NRG4: variants seen among roughly 807,000 people sequenced by gnomAD.
NRG4 encodes neuregulin 4, also known as pro-neuregulin-4, membrane-bound isoform.
Under a neutral mutation model 15.0 loss-of-function variants are expected in NRG4, and 10 were observed. That is an observed-to-expected ratio of 0.67 (90% CI 0.41 to 1.13). The LOEUF (loss-of-function observed/expected upper bound fraction) is 1.13. Among genes scored for constraint, NRG4 ranks in the 50% most tolerant of loss-of-function variants. The pLI, the probability that NRG4 is intolerant of heterozygous loss-of-function variation, is 0.00. For missense variants in NRG4, 139 were observed against 140.2 expected (o/e 0.99, Z 0.04); for synonymous variants, 41 against 50.1 (o/e 0.82, Z 0.77).
Position 75,977,425 on chromosome 15 carries a change from T to C in NRG4, c.105-15451A>G, listed in dbSNP as rs1283539975. Among the ~76,000 whole-genome samples the C allele has an allele frequency of 6.6e-6, 1 of 152,202 alleles. No individual in the cohort carries two copies. Among genetic ancestry groups the C allele is most frequent in the East Asian group, 1.9e-4 (1 of 5,192 alleles). ...CCAAAATAACCACCCAGTTTTGTGC[T>C]TGAAATCCAGGGCCCTGGTGGTGTA... On this transcript the variant is annotated intron_variant, in intron 3 of 5. Transcript: ENST00000394907. This position sits in a 1 kb window ranked among gnomAD's most constrained non-coding sequence, Gnocchi z 4.9.
At chr15:75,960,027 G>A (rs77177659) in intron 4 of NRG4, among the ~76,000 whole-genome samples, 2,466 of 152,280 alleles carry the variant, frequency 0.016, 64 homozygotes, top group African/African-American at 0.055. Flanking sequence ...CCTACAATAA[G>A]TGAGAAATAA....
In NRG4 at chr15:75,994,205, A is replaced by G. The variant is rs186681117; in HGVS notation, c.104+14995T>C. Among the ~76,000 whole-genome samples the G allele has an allele frequency of 1.2e-4, 18 of 152,322 alleles. No homozygotes were observed. The East Asian group carries it at 2.9e-3, about 24-fold the overall frequency. On this transcript the variant is annotated intron_variant, in intron 3 of 5. Coordinates refer to ENST00000394907, the MANE Select transcript of NRG4 (RefSeq NM_138573.4). ...CTCTATCTCTCCTACTGCTGCAACAAGTGAAATGTCTATTCACTTTTCTTA... is the reference window on the plus strand; with the variant it reads ...CTCTATCTCTCCTACTGCTGCAACAGGTGAAATGTCTATTCACTTTTCTTA...
chr15:75,984,829 G>C (rs1243400142), intron 3 of NRG4, among the ~76,000 whole-genome samples: 1 of 152,010 alleles, frequency 6.6e-6, no homozygotes, highest in Non-Finnish European at 1.5e-5. Context: ...TTTTTTTAAA[G>C]CAGTTTTTGT....
chr15:76,035,421 A>C (rs1363538895), intron 5 of NRG4, among the ~76,000 whole-genome samples: 1 of 152,214 alleles, frequency 6.6e-6, no homozygotes, highest in Non-Finnish European at 1.5e-5. Context: ...TTTTATTTCA[A>C]GCTGGGCACA....
At chr15:75,995,512 G>GC (rs1307467717) in intron 3 of NRG4, among the ~76,000 whole-genome samples, 1 of 151,648 alleles carries the variant, frequency 6.6e-6, no homozygotes, top group Non-Finnish European at 1.5e-5. Context: ...CTCCCACTAG[G>GC]CCCCCCCGCC....
At chr15:76,056,415 G>A (rs189489906) in intron 2 of NRG4, among the ~76,000 whole-genome samples, 13 of 152,066 alleles carry the variant, frequency 8.5e-5, no homozygotes, top group Admixed American at 5.2e-4. Context: ...CCGAGATTGC[G>A]CCATTGCACT....
At chr15:76,024,835 A>G (rs2035260940) in intron 5 of NRG4, among the ~76,000 whole-genome samples, 1 of 152,140 alleles carries the variant, frequency 6.6e-6, no homozygotes, top group African/African-American at 2.4e-5. Context: ...ACCCAAAACC[A>G]AGGCACCCCA....
At chr15:75,983,280 GAAAC>G (rs760884777) in intron 3 of NRG4, among the ~76,000 whole-genome samples, 36 of 152,040 alleles carry the variant, frequency 2.4e-4, no homozygotes, top group South Asian at 6.2e-4. Flanking sequence ...CAGAGATACA[GAAAC>G]AAACAAAGAC....
intron 3 of NRG4, among the ~76,000 whole-genome samples, chr15:76,000,713 T>G (rs1027208967): frequency 1.3e-5 from 2 of 152,186 alleles, no homozygotes; most frequent in African/African-American, 2.4e-5. Flanking sequence ...TGCAGATTTA[T>G]GTGCAAGGTA....
intron 5 of NRG4, among the ~76,000 whole-genome samples, chr15:76,024,362 C>A (rs71403586): frequency 2.0e-5 from 3 of 152,188 alleles, no homozygotes; most frequent in African/African-American, 4.8e-5. Context: ...CACCCACGTC[C>A]TAGGCCAGAG....
At chr15:76,009,831 T>C (rs1007891792) in intron 2 of NRG4, among the ~76,000 whole-genome samples, 3 of 152,190 alleles carry the variant, frequency 2.0e-5, no homozygotes, top group East Asian at 1.9e-4. Context: ...TATAAGGTGT[T>C]GATTTGCAAA....
At chr15:76,059,437 G>A (rs1465221971) in intron 1 of NRG4, among the ~76,000 whole-genome samples, 1 of 152,180 alleles carries the variant, frequency 6.6e-6, no homozygotes, top group African/African-American at 2.4e-5. Flanking sequence ...AAAGAGCTCT[G>A]GAAACTGCAA....
rs532783044 is a variant in NRG4 at position 75,973,168 on chromosome 15, T to C, written c.105-11194A>G. On this transcript the variant is annotated intron_variant, in intron 3 of 5. Coordinates refer to ENST00000394907, the MANE Select transcript of NRG4 (RefSeq NM_138573.4). ...GGAATTCACTCATGATTTGGCTCTC[T>C]GTTTGTCTGTTATTGGTGTATAGGA... 4.0e-5 allele frequency among the ~76,000 whole-genome samples: 6 copies of C among 150,628 alleles called. No homozygotes were observed. In the South Asian group the frequency reaches 1.2e-3, roughly 31 times the overall value.
intron 5 of NRG4, among the ~76,000 whole-genome samples, chr15:76,032,463 T>G (rs2035497491): frequency 6.6e-6 from 1 of 152,228 alleles, no homozygotes; most frequent in African/African-American, 2.4e-5. Flanking sequence ...GTTTTAGAAT[T>G]TAGCATAAAC....
At position 76,050,437 on chromosome 15, in the gene NRG4, G is replaced by GTTT. The variant is rs71444951; in HGVS notation, c.-105+1627_-105+1629dup. Among the ~76,000 whole-genome samples, 200 of 91,862 alleles carry GTTT rather than the reference G, an allele frequency of 2.2e-3. 9 individuals carry two copies. Among genetic ancestry groups the GTTT allele is most frequent in the African/African-American group, 4.4e-3 (105 of 23,866 alleles). The allele number at this position is 91,862 out of a possible 152,430, so 60.3% of individuals were successfully genotyped here. On this transcript the variant is annotated intron_variant, in intron 4 of 8. Coordinates refer to the NRG4 transcript ENST00000563910. ...AGCATTATTGTCACCCCGAGCCTTC[G>GTTT]TTTTTTTTTTTTTTTTTTTTTTGAA...
At chr15:76,011,695 A>C (rs1379980549) in intron 1 of NRG4, among the ~76,000 whole-genome samples, 1 of 152,186 alleles carries the variant, frequency 6.6e-6, no homozygotes, top group Non-Finnish European at 1.5e-5. Context: ...TTTTAAGTTT[A>C]CCATAGATTG....
At chr15:75,964,110 C>T (rs2032673187) in intron 3 of NRG4, among the ~76,000 whole-genome samples, 1 of 151,966 alleles carries the variant, frequency 6.6e-6, no homozygotes, top group Admixed American at 6.6e-5. Flanking sequence ...CTTCCAGCTC[C>T]AATTCCTGCT....
intron 3 of NRG4, among the ~76,000 whole-genome samples, chr15:75,986,684 AAATT>A (rs1176394955): frequency 1.3e-5 from 2 of 152,228 alleles, no homozygotes; most frequent in Non-Finnish European, 2.9e-5. Context: ...TGGACCATAT[AAATT>A]ATCAATTTAA....
At chr15:76,011,983 A>G (rs1343225157) in intron 1 of NRG4, 1 of 152,190 alleles carries the variant, frequency 6.6e-6, no homozygotes, top group African/African-American at 2.4e-5. Flanking sequence ...AAAGAATTCA[A>G]ACATATATTT....
Sources: allele counts gnomAD v4.1 joint callset (sites outside exome capture counted in the v4.1 genomes callset), GRCh38; gene constraint gnomAD v4.1.1; non-coding constraint Gnocchi (gnomAD v3.1); transcripts MANE v1.5; gene names NCBI Gene and HGNC (gene_info 2026-07-23, HGNC 2026-07-21).